Variants in ILKAP observed in about 807,000 individuals in gnomAD.
ILKAP encodes integrin-linked kinase-associated serine/threonine phosphatase 2C.
In ILKAP, 11 loss-of-function variants were observed where a neutral mutation model predicts 49.1. That is an observed-to-expected ratio of 0.22 (90% CI 0.14 to 0.37). The LOEUF is 0.37. Among genes scored for constraint, ILKAP ranks in the 10% least tolerant of loss-of-function variants. ILKAP has a pLI of 1.00. For missense variants in ILKAP, 363 were observed against 510.8 expected (o/e 0.71, Z 2.79); for synonymous variants, 186 against 192.8 (o/e 0.96, Z 0.29).
At position 238,184,130 on chromosome 2, in the gene ILKAP, A is replaced by C; in HGVS notation, c.533-17T>G. On this transcript the variant is annotated splice_polypyrimidine_tract_variant and intron_variant, in intron 6 of 11. Coordinates refer to ENST00000254654, the MANE Select transcript of ILKAP (RefSeq NM_030768.3). The stretch of plus-strand genomic sequence containing the variant: ...TTACATCTCCTATTACAGAAGGGCC[A>C]AAAGAAAACAATCTCTCAAGGAGGG... 7.6e-7 allele frequency: 1 copy of C among 1,309,328 alleles called. No homozygotes were observed. Among genetic ancestry groups the C allele is most frequent in the Non-Finnish European group, 1.1e-6 (1 of 902,824 alleles). 81.1% of individuals were successfully genotyped at this position (1,309,328 alleles called of 1,614,324 possible).
intron 3 of ILKAP, among the ~76,000 whole-genome samples, chr2:238,193,648 T>C (rs984009842): frequency 3.3e-5 from 5 of 152,220 alleles, no homozygotes; most frequent in African/African-American, 4.8e-5. Flanking sequence ...TGAGAATTCT[T>C]ATATAAGATG....
At chr2:238,188,376 C>A (rs1328370248) in intron 4 of ILKAP, 119 bp from the exon 5 acceptor site, 9 of 1,246,142 alleles carry the variant, frequency 7.2e-6, no homozygotes, top group African/African-American at 1.5e-5. Flanking sequence ...CCTAATGGCG[C>A]AAACAAATAA....
At chr2:238,175,299 CCCAGGCTGGT>C (rs1374962734) in intron 9 of ILKAP, among the ~76,000 whole-genome samples, 2 of 151,934 alleles carry the variant, frequency 1.3e-5, no homozygotes, top group African/African-American at 2.4e-5. Flanking sequence ...TGGGGTGTTG[CCCAGGCTGGT>C]CCTTAAACAA....
intron 10 of ILKAP, 74 bp downstream of exon 10, chr2:238,173,460 G>A (rs1233553696): frequency 1.3e-6 from 2 of 1,568,880 alleles, no homozygotes; most frequent in South Asian, 1.1e-5. Context: ...ACAAAGGCTT[G>A]ATAGAAACTG....
intron 1 of ILKAP, among the ~76,000 whole-genome samples, chr2:238,201,976 G>A (rs1157015455): frequency 2.6e-5 from 4 of 152,180 alleles, no homozygotes; most frequent in African/African-American, 7.2e-5. Flanking sequence ...TGTAATCCCA[G>A]CAATTTGGGA....
intron 1 of ILKAP, among the ~76,000 whole-genome samples, chr2:238,197,121 G>A (rs35111954): frequency 0.28 from 41,918 of 152,142 alleles, 6,174 homozygotes; most frequent in South Asian, 0.37. Context: ...GCTTGAACCT[G>A]GGAGGCGGAG....
intron 3 of ILKAP, among the ~76,000 whole-genome samples, chr2:238,190,869 T>G (rs1171044963): frequency 8.3e-6 from 1 of 120,920 alleles, no homozygotes; most frequent in Non-Finnish European, 1.7e-5. Context: ...TAGTAAGACG[T>G]TTCTCTTTAA....
At chr2:238,183,934 G>A in intron 7 of ILKAP, 86 bp downstream of exon 7, 3 of 1,017,538 alleles carry the variant, frequency 2.9e-6, no homozygotes, top group Non-Finnish European at 4.6e-6. Context: ...GTGAGCAATA[G>A]TGTTAAACCA....
intron 6 of ILKAP, 116 bp downstream of exon 6, chr2:238,185,065 T>C: frequency 1.5e-6 from 1 of 679,106 alleles, no homozygotes; most frequent in South Asian, 1.8e-5. Flanking sequence ...ACCACTCTTT[T>C]AAGACTCATC....
chr2:238,173,604 C>A lies in ILKAP; in HGVS notation c.886G>T (p.Gly296Trp). 6.2e-7 allele frequency: 1 copy of A among 1,614,056 alleles called. No homozygotes were observed. The highest frequency in any genetic ancestry group is 8.5e-7 in the Non-Finnish European group (1 of 1,179,962). Residue 296 changes from glycine to tryptophan, a missense_variant, in exon 10 of 12, where the codon GGG (glycine) becomes TGG (tryptophan). By Grantham distance (184) the Gly-to-Trp change is radical (BLOSUM62 -2). Transcript: ENST00000254654. ...GTGACACCGCAGCGCTTGTACTGCCCGTCCCCAATGGAGCGTGACACCTCT... is the reference window on the plus strand; with the variant it reads ...GTGACACCGCAGCGCTTGTACTGCCAGTCCCCAATGGAGCGTGACACCTCT... ...VLEVSRSIGD[G>W]QYKRCGVTSV...
chr2:238,176,135 C>CTTT (rs55849458), intron 9 of ILKAP, among the ~76,000 whole-genome samples: 7,503 of 97,912 alleles, frequency 0.077, 1,273 homozygotes, highest in African/African-American at 0.21. Context: ...CAAGTAGTGG[C>CTTT]TTTTTTTTTT....
At position 238,189,847 on chromosome 2, in the gene ILKAP, G is replaced by C; in HGVS notation, c.298+6C>G. 3.7e-6 allele frequency: 6 copies of C among 1,613,416 alleles called. No homozygotes were observed. Among genetic ancestry groups the C allele is most frequent in the Non-Finnish European group, 5.1e-6 (6 of 1,179,612 alleles). ...TAATACATTTGTTTTCAAATTGTCTGAAAACCTTTACAAACTTTCTTTTCC... is the reference window on the plus strand; with the variant it reads ...TAATACATTTGTTTTCAAATTGTCTCAAAACCTTTACAAACTTTCTTTTCC... On this transcript the variant is annotated splice_donor_region_variant and intron_variant, in intron 4 of 11. Coordinates refer to ENST00000254654, the MANE Select transcript of ILKAP (RefSeq NM_030768.3).
At position 238,189,854 on chromosome 2, in the gene ILKAP, T is replaced by C; in HGVS notation, c.297A>G (p.Lys99=). Residue 99 remains lysine, a splice_region_variant and synonymous_variant, in exon 4 of 12, where the codon AAA becomes AAG. Transcript: ENST00000254654. ...SEELVEKKVC[K]ASSVIFGLKG... ...TTTGTTTTCAAATTGTCTGAAAACC[T>C]TTACAAACTTTCTTTTCCACAAGCT... 6.2e-7 allele frequency: 1 copy of C among 1,613,856 alleles called. No homozygotes were observed. The highest frequency in any genetic ancestry group is 8.5e-7 in the Non-Finnish European group (1 of 1,179,818).
intron 4 of ILKAP, 168 bp from the exon 5 acceptor site, chr2:238,188,425 A>AT: frequency 1.3e-6 from 1 of 754,946 alleles, no homozygotes; most frequent in East Asian, 2.9e-5. Context: ...CTGCAAGTCT[A>AT]TAACTCAAAT....
intron 1 of ILKAP, among the ~76,000 whole-genome samples, chr2:238,202,509 T>C (rs967543788): frequency 2.0e-5 from 3 of 152,168 alleles, no homozygotes; most frequent in Non-Finnish European, 4.4e-5. Flanking sequence ...CAGCCCCCGC[T>C]GGGTTGGCCT....
At chr2:238,178,766 T>G (rs770087277) in intron 9 of ILKAP, among the ~76,000 whole-genome samples, 2 of 152,068 alleles carry the variant, frequency 1.3e-5, no homozygotes, top group African/African-American at 2.4e-5. Flanking sequence ...TTAAAAAAAT[T>G]TATTCCCTAC....
At position 238,170,658 on chromosome 2, in the gene ILKAP, G is replaced by A. The variant is rs142248095; in HGVS notation, c.1057C>T (p.Arg353Trp). Residue 353 changes from arginine (R) to tryptophan (W), a missense_variant, in exon 12 of 12, where the codon CGG becomes TGG. Arg to Trp is a moderately radical substitution (Grantham distance 101). Around this residue, in one of 3 missense-constraint regions of ILKAP, gnomAD observed 83 missense variants for 87.5 expected, o/e 0.95. Transcript: ENST00000254654. ...SCLEDEKIQT[R>W]EGKSAADARY... Reference sequence around the variant, plus strand: ...GCGTCGGCTGCGGACTTCCCTTCCCGGGTCTGGATCTTTTCATCCTACCAG... The same window carrying A: ...GCGTCGGCTGCGGACTTCCCTTCCCAGGTCTGGATCTTTTCATCCTACCAG... 7 of 1,597,116 alleles carry A rather than the reference G, an allele frequency of 4.4e-6. No homozygotes were observed. The highest frequency in any genetic ancestry group is 2.3e-5 in the East Asian group (1 of 44,440).
intron 6 of ILKAP, among the ~76,000 whole-genome samples, 187 bp downstream of exon 6, chr2:238,184,994 C>T (rs1024505428): frequency 1.3e-5 from 2 of 152,150 alleles, no homozygotes; most frequent in African/African-American, 2.4e-5. Flanking sequence ...ATGAGAAGTG[C>T]CATTCTAAGT....
intron 8 of ILKAP, among the ~76,000 whole-genome samples, chr2:238,182,541 T>C (rs1693740473): frequency 6.6e-6 from 1 of 152,186 alleles, no homozygotes. Flanking sequence ...GCCAGAGACA[T>C]GTCCATGAGC....
Sources: gnomAD v4.1 joint callset for allele counts (sites outside exome capture counted in the v4.1 genomes callset) on GRCh38, gnomAD v4.1.1 for gene constraint, gnomAD v4.1.1 regional missense constraint, MANE v1.5 for transcripts, NCBI Gene and HGNC (gene_info 2026-07-23, HGNC 2026-07-21) for gene names.